The following EYS variants were observed in gnomAD, a reference collection of about 807,000 sequenced individuals.
EYS encodes the protein EGF-like photoreceptor maintenance factor, also known as protein eyes shut homolog.
EYS carries 250 observed loss-of-function variants against 282.1 expected under a neutral mutation model. The observed-to-expected ratio is 0.89, with a 90% CI of 0.80 to 0.98. The LOEUF (loss-of-function observed/expected upper bound fraction) is 0.98. Among genes scored for constraint, EYS ranks in the 50% least tolerant of loss-of-function variants. The pLI is 0.00. For synonymous variants in EYS, 1,355 were observed against 1,282.9 expected (o/e 1.06, Z -1.20); for missense variants, 4,016 against 3,709.0 (o/e 1.08, Z -2.15).
At chr6:63,942,099 A>AG (rs1438674347) in intron 35 of EYS, among the ~76,000 whole-genome samples, 18 of 152,254 alleles carry the variant, frequency 1.2e-4, no homozygotes, top group African/African-American at 3.8e-4. Context: ...CCTCTAGATC[A>AG]GGGGGTTATA....
intron 11 of EYS, chr6:65,330,715 C>T: frequency 6.3e-6 from 6 of 950,796 alleles, no homozygotes; most frequent in Non-Finnish European, 7.5e-6. Context: ...CATTATTTTG[C>T]CTTATAAATT....
rs531826748 is a variant in EYS, at chr6:64,577,766, A to G, written c.5644+12457T>C. Reference sequence around the variant, plus strand: ...GTTGTAATAAGGAATGTCATTATACACTTATCAGAGTTTCGCTTTATAATA... The same window carrying G: ...GTTGTAATAAGGAATGTCATTATACGCTTATCAGAGTTTCGCTTTATAATA... On this transcript the variant is annotated intron_variant, in intron 26 of 42. Transcript: ENST00000503581. Among the ~76,000 whole-genome samples the G allele has an allele frequency of 3.5e-3, 536 of 152,200 alleles. 1 individual carries two copies. The highest frequency in any genetic ancestry group is 4.1e-3 in the Non-Finnish European group (278 of 67,996).
intron 35 of EYS, among the ~76,000 whole-genome samples, chr6:63,875,329 A>G (rs1772938700): frequency 6.6e-6 from 1 of 152,158 alleles, no homozygotes; most frequent in African/African-American, 2.4e-5. Flanking sequence ...AGCCAACTTG[A>G]TCATGGTTGA....
intron 15 of EYS, among the ~76,000 whole-genome samples, chr6:64,913,955 G>T (rs533632884): frequency 2.6e-4 from 39 of 152,240 alleles, no homozygotes; most frequent in African/African-American, 9.4e-4. Context: ...CAGGCTTCTA[G>T]CTCAGTCTAG....
intron 19 of EYS, among the ~76,000 whole-genome samples, chr6:64,835,409 T>C (rs1250551585): frequency 2.0e-5 from 3 of 151,680 alleles, no homozygotes; most frequent in Non-Finnish European, 3.0e-5. Context: ...TGCATATGTG[T>C]GTGTAGCAGA....
intron 28 of EYS, among the ~76,000 whole-genome samples, chr6:64,411,973 G>GCATATATGTATATATGTT (rs1773914626): frequency 1.2e-5 from 1 of 82,632 alleles, no homozygotes; most frequent in African/African-American, 3.8e-5. Context: ...ATATATACAA[G>GCATATATGTATATATGTT]TATATATAAA....
intron 36 of EYS, among the ~76,000 whole-genome samples, chr6:63,830,865 T>A (rs1405134631): frequency 6.6e-6 from 1 of 152,216 alleles, no homozygotes; most frequent in Non-Finnish European, 1.5e-5. Flanking sequence ...AACAGCGGAT[T>A]TCTTGGCAGA....
intron 19 of EYS, among the ~76,000 whole-genome samples, chr6:64,845,141 A>G (rs1765680137): frequency 6.6e-6 from 1 of 152,076 alleles, no homozygotes; most frequent in Non-Finnish European, 1.5e-5. Flanking sequence ...AAATTTAAAA[A>G]TTAGACGATT....
At chr6:65,254,582 G>T (rs1447089370) in intron 12 of EYS, among the ~76,000 whole-genome samples, 1 of 151,852 alleles carries the variant, frequency 6.6e-6, no homozygotes, top group Non-Finnish European at 1.5e-5. Context: ...ATTGTGGAAA[G>T]ATTAATTTGG....
chr6:65,072,383 GAA>G (rs1773926637), intron 12 of EYS, among the ~76,000 whole-genome samples: 1 of 143,128 alleles, frequency 7.0e-6, no homozygotes, highest in Admixed American at 6.7e-5. Context: ...AAAAACAAGA[GAA>G]GAGACAGATT....
chr6:65,435,728 C>G lies in EYS; in HGVS notation c.863-30361G>C, dbSNP rs930470319. Among the ~76,000 whole-genome samples the G allele has an allele frequency of 4.6e-5, 7 of 152,012 alleles. No individual in the cohort carries two copies. The East Asian group carries it at 1.4e-3, about 29-fold the overall frequency. On this transcript the variant is annotated intron_variant, in intron 5 of 42. Transcript: ENST00000503581. ...TCATTTGGTGAAGTCCCAGCCCCCA[C>G]CCCAATAATTCAGAAAGTAACTGTA...
intron 22 of EYS, among the ~76,000 whole-genome samples, chr6:64,774,723 A>C (rs1354277612): frequency 6.6e-6 from 1 of 151,918 alleles, no homozygotes; most frequent in Non-Finnish European, 1.5e-5. Context: ...GATAGACTCC[A>C]AATTCCTCAC....
intron 31 of EYS, among the ~76,000 whole-genome samples, chr6:64,220,063 G>C (rs992107101): frequency 1.3e-5 from 2 of 152,074 alleles, no homozygotes; most frequent in African/African-American, 4.8e-5. Context: ...GATAGCATTA[G>C]GAGATATACC....
chr6:64,695,103 A>G (rs1249151586), intron 22 of EYS, among the ~76,000 whole-genome samples: 1 of 151,904 alleles, frequency 6.6e-6, no homozygotes. Flanking sequence ...GAAGGCTGCC[A>G]CTTGTCCCCA....
intron 35 of EYS, among the ~76,000 whole-genome samples, chr6:63,924,459 G>T (rs1430412372): frequency 6.6e-6 from 1 of 152,216 alleles, no homozygotes; most frequent in African/African-American, 2.4e-5. Context: ...GTGTTTTAGA[G>T]AAATACATTG....
chr6:64,212,876 T>C (rs1765822903), intron 31 of EYS, among the ~76,000 whole-genome samples: 1 of 152,168 alleles, frequency 6.6e-6, no homozygotes, highest in Non-Finnish European at 1.5e-5. Flanking sequence ...CCATGAGTGA[T>C]GGACTGGATA....
At chr6:64,968,250 C>T (rs562755286) in intron 14 of EYS, among the ~76,000 whole-genome samples, 6 of 152,192 alleles carry the variant, frequency 3.9e-5, no homozygotes, top group African/African-American at 1.2e-4. Flanking sequence ...TCTGTTAACA[C>T]TTGACCCAAG....
intron 13 of EYS, among the ~76,000 whole-genome samples, chr6:65,027,162 A>G (rs1253829978): frequency 6.6e-6 from 1 of 152,144 alleles, no homozygotes; most frequent in Admixed American, 6.5e-5. Context: ...CCCAAAGAGT[A>G]TGATGTTTTT....
chr6:64,172,236 CACTTA>C (rs1420149187), intron 31 of EYS, among the ~76,000 whole-genome samples: 1 of 151,682 alleles, frequency 6.6e-6, no homozygotes, highest in Non-Finnish European at 1.5e-5. Context: ...CTGGTAAGAA[CACTTA>C]ACTTGAGATC....
Sources: allele counts gnomAD v4.1 joint callset (sites outside exome capture counted in the v4.1 genomes callset), GRCh38; gene constraint gnomAD v4.1.1; transcripts MANE v1.5; gene names NCBI Gene and HGNC (gene_info 2026-07-23, HGNC 2026-07-21).